Variants in CRTAC1 observed in about 807,000 individuals in gnomAD.
CRTAC1 encodes cartilage acidic protein 1.
In CRTAC1, 37 loss-of-function variants were observed where a neutral mutation model predicts 67.8. The ratio of observed to expected loss-of-function variants is 0.55; its 90% CI spans 0.42 to 0.72. The LOEUF is 0.72. Among genes scored for constraint, CRTAC1 ranks in the 30% least tolerant of loss-of-function variants. The probability of loss-of-function intolerance (pLI) is 0.00; values close to 1 mark genes in which losing one functional copy is unlikely to be tolerated. For missense variants in CRTAC1, 780 were observed against 931.6 expected (o/e 0.84, Z 2.12); for synonymous variants, 348 against 371.0 (o/e 0.94, Z 0.71).
chr10:97,882,970 C>G lies in CRTAC1; in HGVS notation c.1633-142G>C, dbSNP rs528836937. On this transcript the variant is annotated intron_variant, in intron 12 of 14. Coordinates refer to ENST00000370597, the MANE Select transcript of CRTAC1 (RefSeq NM_018058.7). ...GAGCTCTGGGCCTGGGGGGAGCCCC[C>G]TCCCTTGTAAGACCCTTCCTTTGCG... 4.9e-6 allele frequency: 4 copies of G among 817,466 alleles called. No homozygotes were observed. In the South Asian group the frequency reaches 6.6e-5, roughly 14 times the overall value. 50.6% of individuals were successfully genotyped at this position (817,466 alleles called of 1,614,324 possible). A position where few individuals can be genotyped will look rare whatever the true frequency, so the allele number is the denominator to read the frequency against.
At chr10:97,948,631 C>T (rs995598333) in intron 2 of CRTAC1, among the ~76,000 whole-genome samples, 10 of 151,838 alleles carry the variant, frequency 6.6e-5, no homozygotes, top group African/African-American at 2.4e-4. Flanking sequence ...ATGGGTTGGG[C>T]CTGGAATTAA....
At chr10:97,953,172 G>A (rs1281614684) in intron 2 of CRTAC1, among the ~76,000 whole-genome samples, 1 of 152,102 alleles carries the variant, frequency 6.6e-6, no homozygotes, top group Non-Finnish European at 1.5e-5. Flanking sequence ...CTGCAGCTCT[G>A]CCCAAGTTCA....
Position 98,011,203 on chromosome 10 carries a change from C to G in CRTAC1, c.159G>C (p.Gln53His). 1.2e-6 allele frequency: 2 copies of G among 1,614,190 alleles called. No homozygotes were observed. Among genetic ancestry groups the G allele is most frequent in the South Asian group, 2.2e-5 (2 of 91,072 alleles). The part of the protein sequence containing the change: ...LPPDYDSNPT[Q>H]LNYGVAVTDV... Reference sequence around the variant, plus strand: ...CAGTAACTGCCACACCATAGTTGAGCTGGGTGGGATTACTGTCATAGTCAG... The same window carrying G: ...CAGTAACTGCCACACCATAGTTGAGGTGGGTGGGATTACTGTCATAGTCAG... The change falls in exon 2 of 15, where the codon CAG (glutamine) becomes CAC (histidine). Residue 53 changes from glutamine to histidine, a missense_variant. Physicochemically the swap from Gln to His is conservative, Grantham distance 24. Transcript: ENST00000370597.
At chr10:97,907,061 C>T (rs654624) in intron 6 of CRTAC1, among the ~76,000 whole-genome samples, 123,001 of 152,136 alleles carry the variant, frequency 0.81, 50,235 homozygotes, top group East Asian at 0.92. Flanking sequence ...GCCTGGGATG[C>T]AATCATACAT....
intron 8 of CRTAC1, among the ~76,000 whole-genome samples, chr10:97,899,292 C>T (rs1236105576): frequency 6.6e-6 from 1 of 152,242 alleles, no homozygotes; most frequent in Non-Finnish European, 1.5e-5. Flanking sequence ...TGTGTGGAGG[C>T]AAACACACTA....
intron 2 of CRTAC1, among the ~76,000 whole-genome samples, chr10:97,946,738 T>A (rs2051270808): frequency 6.6e-6 from 1 of 152,200 alleles, no homozygotes; most frequent in South Asian, 2.1e-4. Context: ...AGACAACAAA[T>A]GCTTCCCTGG....
intron 4 of CRTAC1, among the ~76,000 whole-genome samples, chr10:97,920,998 T>G (rs2050828818): frequency 6.7e-6 from 1 of 148,778 alleles, no homozygotes; most frequent in Non-Finnish European, 1.5e-5. Flanking sequence ...GAGTGAGGGG[T>G]GGAAGGGGAG....
intron 6 of CRTAC1, among the ~76,000 whole-genome samples, chr10:97,906,888 G>T (rs902381132): frequency 6.6e-6 from 1 of 152,194 alleles, no homozygotes; most frequent in Non-Finnish European, 1.5e-5. Context: ...GCAGGGATTC[G>T]ATGTGAACTG....
chr10:97,975,443 C>T lies in CRTAC1; in HGVS notation c.224+35695G>A, dbSNP rs563065146. 1.3e-5 allele frequency among the ~76,000 whole-genome samples: 2 copies of T among 152,240 alleles called. No individual in the cohort carries two copies. Among genetic ancestry groups the T allele is most frequent in the Admixed American group, 1.3e-4 (2 of 15,298 alleles). On this transcript the variant is annotated intron_variant, in intron 2 of 14. Coordinates refer to ENST00000370597, the MANE Select transcript of CRTAC1 (RefSeq NM_018058.7). The surrounding 1 kb of genome is among the most constrained non-coding windows in gnomAD (Gnocchi z 4.8). ...GGGGCGGGATGGGGAGCCGGCAGAC[C>T]TCGCTTTCTTCTTCTTCTTCAGGGA...
chr10:97,926,627 G>T (rs2050923699), intron 3 of CRTAC1, among the ~76,000 whole-genome samples: 1 of 152,148 alleles, frequency 6.6e-6, no homozygotes, highest in African/African-American at 2.4e-5. Flanking sequence ...TAATATTTCT[G>T]CAGTGAATTA....
At position 97,969,380 on chromosome 10, in the gene CRTAC1, C is replaced by G. The variant is rs543809739; in HGVS notation, c.225-33014G>C. 1.9e-3 allele frequency among the ~76,000 whole-genome samples: 283 copies of G among 152,292 alleles called. 1 individual carries two copies. The highest frequency in any genetic ancestry group is 3.4e-3 in the Middle Eastern group (1 of 294). ...ATCACTACTGTAAAGAAGGAGCCAGCCTGTGGGGACAGGGCAGCCACTCCA... is the reference window on the plus strand; with the variant it reads ...ATCACTACTGTAAAGAAGGAGCCAGGCTGTGGGGACAGGGCAGCCACTCCA... On this transcript the variant is annotated intron_variant, in intron 2 of 14. Coordinates refer to ENST00000370597, the MANE Select transcript of CRTAC1 (RefSeq NM_018058.7).
At chr10:97,961,765 G>A (rs945912920) in intron 2 of CRTAC1, among the ~76,000 whole-genome samples, 1 of 152,210 alleles carries the variant, frequency 6.6e-6, no homozygotes, top group African/African-American at 2.4e-5. Context: ...GGATGCAGTG[G>A]CTCATGCCTA....
intron 11 of CRTAC1, among the ~76,000 whole-genome samples, chr10:97,890,001 A>G (rs1408554637): frequency 6.6e-6 from 1 of 152,098 alleles, no homozygotes; most frequent in Admixed American, 6.5e-5. Flanking sequence ...ATAGATGATG[A>G]GTGTGAGTGC....
chr10:98,017,059 G>A (rs564056869), intron 1 of CRTAC1, among the ~76,000 whole-genome samples: 1 of 152,198 alleles, frequency 6.6e-6, no homozygotes, highest in African/African-American at 2.4e-5. Context: ...AAAATAGAAT[G>A]AAAAAGTAGG....
chr10:97,874,521 C>T (rs887934270), intron 14 of CRTAC1, among the ~76,000 whole-genome samples: 1 of 152,190 alleles, frequency 6.6e-6, no homozygotes, highest in African/African-American at 2.4e-5. Context: ...CCAGAGGTGG[C>T]CCCGTCCTGC....
At chr10:98,024,795 CCACACACACACACACA>C (rs112213274) in intron 1 of CRTAC1, among the ~76,000 whole-genome samples, 2 of 118,514 alleles carry the variant, frequency 1.7e-5, no homozygotes, top group African/African-American at 3.3e-5. Context: ...CACCTCTCCA[CCACACACACACACACA>C]CACACACACA....
At chr10:97,872,119 C>A (rs1190881346) in intron 14 of CRTAC1, among the ~76,000 whole-genome samples, 2 of 148,022 alleles carry the variant, frequency 1.4e-5, no homozygotes, top group South Asian at 4.6e-4. Context: ...CCCACCCCCA[C>A]CCCCACCTCC....
At chr10:98,015,237 T>C (rs1842973949) in intron 1 of CRTAC1, among the ~76,000 whole-genome samples, 1 of 152,162 alleles carries the variant, frequency 6.6e-6, no homozygotes, top group Admixed American at 6.5e-5. Flanking sequence ...CTAAGTGAAA[T>C]AAGCCAGTCG....
chr10:97,936,095 C>A (rs1246772338), intron 3 of CRTAC1, 75 bp downstream of exon 3: 1 of 1,405,424 alleles, frequency 7.1e-7, no homozygotes, highest in Non-Finnish European at 9.8e-7. Context: ...GGCCAGGGTT[C>A]CCATGGCCCT....
Sources: allele counts gnomAD v4.1 joint callset (sites outside exome capture counted in the v4.1 genomes callset), GRCh38; gene constraint gnomAD v4.1.1; non-coding constraint Gnocchi (gnomAD v3.1); transcripts MANE v1.5; gene names NCBI Gene and HGNC (gene_info 2026-07-23, HGNC 2026-07-21).